The following ABLIM1 variants were observed in gnomAD, a reference collection of about 807,000 sequenced individuals.
The protein encoded by ABLIM1 is actin binding LIM protein 1, also known as actin-binding LIM protein 1.
ABLIM1 carries 40 observed loss-of-function variants against 107.0 expected under a neutral mutation model. The ratio of observed to expected loss-of-function variants is 0.37; its 90% CI spans 0.29 to 0.49. The LOEUF (loss-of-function observed/expected upper bound fraction) is 0.49, where lower values mean the gene tolerates loss of function less well. Ranked by LOEUF, ABLIM1 falls within the 20% of genes least tolerant of loss-of-function variation. The pLI, the probability that ABLIM1 is intolerant of heterozygous loss-of-function variation, is 0.97. For synonymous variants in ABLIM1, 357 were observed against 357.3 expected (o/e 1.00, Z 0.01); for missense variants, 857 against 1,008.5 (o/e 0.85, Z 2.04).
chr10:114,534,149 T>C (rs888239149), intron 6 of ABLIM1, among the ~76,000 whole-genome samples: 2 of 152,132 alleles, frequency 1.3e-5, no homozygotes, highest in East Asian at 1.9e-4. Context: ...ACCCCTTTTA[T>C]GTCTATAGTG....
upstream of ABLIM1, among the ~76,000 whole-genome samples, chr10:114,772,181 C>A (rs545966076): frequency 6.6e-6 from 1 of 152,144 alleles, no homozygotes; most frequent in East Asian, 1.9e-4. Flanking sequence ...AAGCAGTATA[C>A]AAGGTGGAGA....
intron 10 of ABLIM1, among the ~76,000 whole-genome samples, chr10:114,470,910 G>A (rs183604405): frequency 1.5e-3 from 223 of 151,962 alleles, no homozygotes; most frequent in Admixed American, 2.8e-3. Context: ...TTTGAGACAG[G>A]GTGTCACTCT....
intron 6 of ABLIM1, among the ~76,000 whole-genome samples, chr10:114,507,930 G>T (rs1026873401): frequency 6.6e-6 from 1 of 152,202 alleles, no homozygotes; most frequent in African/African-American, 2.4e-5. Context: ...GGCAAAGTCT[G>T]CTGACCTTAG....
chr10:114,531,435 G>T (rs951887091), intron 6 of ABLIM1, among the ~76,000 whole-genome samples: 1 of 152,222 alleles, frequency 6.6e-6, no homozygotes, highest in Non-Finnish European at 1.5e-5. Context: ...GATGAGAAGG[G>T]TCAAGACCTA....
intron 1 of ABLIM1, among the ~76,000 whole-genome samples, chr10:114,765,620 A>C (rs1292147507): frequency 1.3e-5 from 2 of 152,216 alleles, no homozygotes; most frequent in African/African-American, 2.4e-5. Flanking sequence ...CTTTTAAAAA[A>C]TTAATGACAA....
At chr10:114,618,678 C>G (rs2077280034) in intron 1 of ABLIM1, among the ~76,000 whole-genome samples, 1 of 152,210 alleles carries the variant, frequency 6.6e-6, no homozygotes, top group African/African-American at 2.4e-5. Flanking sequence ...AGGCACAGGC[C>G]CTGTCAACAA....
At chr10:114,725,041 A>C (rs907254828) in intron 1 of ABLIM1, among the ~76,000 whole-genome samples, 1 of 152,204 alleles carries the variant, frequency 6.6e-6, no homozygotes, top group Non-Finnish European at 1.5e-5. Context: ...CACACAAAAT[A>C]ATTTAATACC....
chr10:114,578,785 C>CTTTTTTTTTT (rs35420465), intron 2 of ABLIM1, among the ~76,000 whole-genome samples: 7 of 111,712 alleles, frequency 6.3e-5, no homozygotes, highest in Admixed American at 1.1e-4. Flanking sequence ...TCTTTCTTTT[C>CTTTTTTTTTT]TTTTTTTTTT....
Position 114,753,314 on chromosome 10 carries a change from C to T in ABLIM1, c.-213+14747G>A, listed in dbSNP as rs74158049. On this transcript the variant is annotated intron_variant, in intron 1 of 15. Coordinates refer to the ABLIM1 transcript ENST00000651092. ...CGTTTGAGGAATTCTGTGCACCATG[C>T]TCTCTTTCCGTTATTTCTGAATCAC... Among the ~76,000 whole-genome samples, 240 of 152,304 alleles carry T rather than the reference C, an allele frequency of 1.6e-3. 1 individual carries two copies. Among genetic ancestry groups the T allele is most frequent in the African/African-American group, 5.6e-3 (231 of 41,572 alleles).
At chr10:114,743,168 A>G (rs1338174659) in intron 1 of ABLIM1, among the ~76,000 whole-genome samples, 2 of 152,180 alleles carry the variant, frequency 1.3e-5, no homozygotes, top group Non-Finnish European at 1.5e-5. Flanking sequence ...AGGAAAAGCA[A>G]CTTCAAGGTA....
chr10:114,510,468 T>C (rs1180926304), intron 6 of ABLIM1, among the ~76,000 whole-genome samples: 1 of 152,018 alleles, frequency 6.6e-6, no homozygotes, highest in African/African-American at 2.4e-5. Flanking sequence ...TTTTCCCCAC[T>C]AGACTTTAAT....
At chr10:114,796,990 T>C in the ABLIM1 span, among the ~76,000 whole-genome samples, 55,941 of 152,034 alleles carry the variant, frequency 0.37, 11,649 homozygotes, top group Non-Finnish European at 0.48. Flanking sequence ...ATACACTCCA[T>C]TTCAATACCC....
At chr10:114,448,390 C>T (rs1343549241) in intron 14 of ABLIM1, among the ~76,000 whole-genome samples, 4 of 152,192 alleles carry the variant, frequency 2.6e-5, no homozygotes. Context: ...GTGATTAGTG[C>T]CTACTGTCCT....
rs191017246 is a variant in ABLIM1, at chr10:114,441,132, C to G, written c.1999-55G>C. 13 of 1,510,232 alleles carry G rather than the reference C, an allele frequency of 8.6e-6. No individual in the cohort carries two copies. The East Asian group carries it at 3.2e-4, about 37-fold the overall frequency. 93.6% of individuals were successfully genotyped at this position (1,510,232 alleles called of 1,614,324 possible). On this transcript the variant is annotated intron_variant, in intron 18 of 22. Transcript: ENST00000533213. The stretch of plus-strand genomic sequence containing the variant: ...ATCTCCATAGTGATCGTTTTGGAGT[C>G]AGGTGAAAAGGAAGAAAGAGTTTAC...
intron 6 of ABLIM1, among the ~76,000 whole-genome samples, chr10:114,504,055 G>A (rs1417839901): frequency 6.6e-6 from 1 of 152,188 alleles, no homozygotes; most frequent in Non-Finnish European, 1.5e-5. Flanking sequence ...CTCAAAATTG[G>A]CTTCTTCTAG....
chr10:114,734,827 C>T lies in ABLIM1; in HGVS notation c.-213+33234G>A, dbSNP rs144362109. On this transcript the variant is annotated intron_variant, in intron 1 of 15. Coordinates refer to the ABLIM1 transcript ENST00000651092. ...GTATCTCACACTGCCCAACAGAATG[C>T]CCTTCATCTAGCGATAACTTAGTAA... is the stretch of plus-strand genomic sequence containing the variant. Among the ~76,000 whole-genome samples, 136 of 152,230 alleles carry T rather than the reference C, an allele frequency of 8.9e-4. 2 individuals are homozygous for T. The highest frequency in any genetic ancestry group is 2.1e-3 in the Admixed American group (32 of 15,284).
upstream of ABLIM1, among the ~76,000 whole-genome samples, chr10:114,769,438 A>G (rs1387017706): frequency 2.2e-5 from 1 of 44,654 alleles, no homozygotes; most frequent in Non-Finnish European, 6.6e-5. Flanking sequence ...AAAGAAAGAA[A>G]GAAAGAAAGA....
At chr10:114,632,133 TCCGC>T (rs1459526670) in intron 1 of ABLIM1, 1 of 985,140 alleles carries the variant, frequency 1.0e-6, no homozygotes, top group Admixed American at 6.2e-5. Flanking sequence ...CGCGCTCTTC[TCCGC>T]CCGCCCGCCG....
intron 8 of ABLIM1, among the ~76,000 whole-genome samples, chr10:114,486,150 A>G (rs1044177810): frequency 6.6e-6 from 1 of 152,212 alleles, no homozygotes; most frequent in Non-Finnish European, 1.5e-5. Context: ...AGTTGTTTTC[A>G]TAAGCTTATC....
Sources: allele counts gnomAD v4.1 joint callset (sites outside exome capture counted in the v4.1 genomes callset), GRCh38; gene constraint gnomAD v4.1.1; transcripts MANE v1.5; gene names NCBI Gene and HGNC (gene_info 2026-07-23, HGNC 2026-07-21).